KCNK2: variants seen among roughly 807,000 people sequenced by gnomAD.
The protein encoded by KCNK2 is potassium channel subfamily K member 2.
Under a neutral mutation model 40.5 loss-of-function variants are expected in KCNK2, and 21 were observed. The ratio of observed to expected loss-of-function variants is 0.52; its 90% CI spans 0.37 to 0.75. KCNK2 has a LOEUF of 0.75. Ranked by LOEUF, KCNK2 falls within the 30% of genes least tolerant of loss-of-function variation. The pLI is 0.00. For synonymous variants in KCNK2, 191 were observed against 202.2 expected (o/e 0.94, Z 0.47); for missense variants, 399 against 531.6 (o/e 0.75, Z 2.45).
chr1:215,033,322 A>G (rs905276497), intron 1 of KCNK2, among the ~76,000 whole-genome samples: 13 of 151,958 alleles, frequency 8.6e-5, no homozygotes, highest in Admixed American at 7.2e-4. Context: ...TAATTGTTCA[A>G]ATTCCCAATT....
intron 1 of KCNK2, among the ~76,000 whole-genome samples, chr1:215,068,586 T>A (rs1161992907): frequency 6.6e-6 from 1 of 152,122 alleles, no homozygotes; most frequent in Non-Finnish European, 1.5e-5. Context: ...CAAACAAAAA[T>A]ATAATTTATT....
At chr1:215,199,258 G>A (rs1443353326) in intron 6 of KCNK2, among the ~76,000 whole-genome samples, 3 of 151,946 alleles carry the variant, frequency 2.0e-5, no homozygotes, top group African/African-American at 4.8e-5. Flanking sequence ...CCAGTGAGCC[G>A]AGATCATGCC....
At chr1:215,069,673 AT>A (rs1297152999) in intron 1 of KCNK2, among the ~76,000 whole-genome samples, 3 of 152,158 alleles carry the variant, frequency 2.0e-5, no homozygotes, top group Admixed American at 6.5e-5. Flanking sequence ...GGTTTATATA[AT>A]TTTCACCCCT....
intron 1 of KCNK2, among the ~76,000 whole-genome samples, chr1:215,009,998 T>C (rs1558055200): frequency 6.6e-6 from 1 of 152,222 alleles, no homozygotes. Context: ...TATGTGTGTG[T>C]GTCTCAAATT....
chr1:215,127,367 C>T (rs1424560358), intron 3 of KCNK2, among the ~76,000 whole-genome samples: 3 of 152,128 alleles, frequency 2.0e-5, no homozygotes, highest in South Asian at 2.1e-4. Context: ...TTAGAATTCT[C>T]TTCATATATC....
At chr1:215,189,496 T>C (rs1664578699) in intron 5 of KCNK2, among the ~76,000 whole-genome samples, 1 of 152,198 alleles carries the variant, frequency 6.6e-6, no homozygotes, top group Admixed American at 6.5e-5. Flanking sequence ...TTTATGATCA[T>C]GAGACTGCTG....
intron 1 of KCNK2, among the ~76,000 whole-genome samples, chr1:215,007,114 T>C (rs1656182072): frequency 8.3e-6 from 1 of 120,964 alleles, no homozygotes; most frequent in Non-Finnish European, 1.6e-5. Flanking sequence ...TATATGTGTG[T>C]ATATATGTAT....
intron 2 of KCNK2, among the ~76,000 whole-genome samples, chr1:215,110,437 C>G (rs1660633702): frequency 6.6e-6 from 1 of 151,912 alleles, no homozygotes; most frequent in African/African-American, 2.4e-5. Flanking sequence ...GTGTGTATAT[C>G]AAATTTTCTC....
chr1:215,190,224 C>G (rs138517967), intron 5 of KCNK2, among the ~76,000 whole-genome samples: 209 of 152,094 alleles, frequency 1.4e-3, no homozygotes, highest in African/African-American at 4.6e-3. Context: ...GGGCCGATGG[C>G]TGGGAACGCT....
intron 6 of KCNK2, among the ~76,000 whole-genome samples, chr1:215,201,425 G>T (rs1388532287): frequency 6.6e-6 from 1 of 152,140 alleles, no homozygotes; most frequent in Non-Finnish European, 1.5e-5. Flanking sequence ...TCTTAAGATA[G>T]TTCCGGCCAC....
In KCNK2 at chr1:215,165,625, A is replaced by G. The variant is rs570552003; in HGVS notation, c.476-3574A>G. ...ATAATAGAGTAAGCACTTTTCACAT[A>G]GTACTTTATTTGGTACTTAAAACTC... On this transcript the variant is annotated intron_variant, in intron 3 of 6. Transcript: ENST00000444842. Among the ~76,000 whole-genome samples the G allele has an allele frequency of 2.0e-5, 3 of 152,272 alleles. No homozygotes were observed. The South Asian group carries it at 6.2e-4, about 32-fold the overall frequency.
At chr1:215,213,982 C>G (rs1291348019) in intron 6 of KCNK2, among the ~76,000 whole-genome samples, 3 of 152,130 alleles carry the variant, frequency 2.0e-5, no homozygotes, top group Non-Finnish European at 1.5e-5. Flanking sequence ...TAATATGACA[C>G]TGCTAATTGG....
At chr1:215,139,729 A>G (rs1448173089) in intron 3 of KCNK2, among the ~76,000 whole-genome samples, 1 of 152,144 alleles carries the variant, frequency 6.6e-6, no homozygotes, top group Non-Finnish European at 1.5e-5. Context: ...GTTCAAAAAA[A>G]AAGTATATGT....
At chr1:215,104,853 G>GT (rs911703277) in intron 2 of KCNK2, among the ~76,000 whole-genome samples, 4 of 151,536 alleles carry the variant, frequency 2.6e-5, no homozygotes, top group Non-Finnish European at 5.9e-5. Context: ...GGGCTATGGG[G>GT]TTTTTTTTCT....
intron 5 of KCNK2, among the ~76,000 whole-genome samples, chr1:215,193,426 T>A (rs1664745388): frequency 1.6e-5 from 1 of 62,998 alleles, no homozygotes; most frequent in Non-Finnish European, 3.5e-5. Flanking sequence ...AGTTCTCAGT[T>A]TTAATTACTT....
chr1:215,125,893 GA>G (rs981030652), intron 3 of KCNK2, among the ~76,000 whole-genome samples: 5 of 151,244 alleles, frequency 3.3e-5, no homozygotes, highest in African/African-American at 1.2e-4. Context: ...TATTTTTTAA[GA>G]AAGAGAAGGA....
chr1:215,132,452 A>C (rs1436151733), intron 3 of KCNK2, among the ~76,000 whole-genome samples: 1 of 152,186 alleles, frequency 6.6e-6, no homozygotes, highest in Non-Finnish European at 1.5e-5. Flanking sequence ...GAGTCCATTG[A>C]GGTTCTCTCA....
intron 5 of KCNK2, among the ~76,000 whole-genome samples, chr1:215,186,383 G>C (rs765454396): frequency 2.6e-5 from 4 of 152,006 alleles, no homozygotes; most frequent in Non-Finnish European, 4.4e-5. Context: ...AACAGGGCGA[G>C]GCCCCATCTT....
chr1:215,165,240 T>G lies in KCNK2; in HGVS notation c.476-3959T>G, dbSNP rs567369814. 7.2e-5 allele frequency among the ~76,000 whole-genome samples: 11 copies of G among 152,302 alleles called. No homozygotes were observed. The East Asian group carries it at 2.1e-3, about 29-fold the overall frequency. ...GAATAGGTCTGTTTCCTTTTCCATG[T>G]TTTAATCATTCACATAGTTGGAATC... On this transcript the variant is annotated intron_variant, in intron 3 of 6. Coordinates refer to ENST00000444842, the MANE Select transcript of KCNK2 (RefSeq NM_001017425.3).
Sources: gnomAD v4.1 joint callset for allele counts (sites outside exome capture counted in the v4.1 genomes callset) on GRCh38, gnomAD v4.1.1 for gene constraint, MANE v1.5 for transcripts, NCBI Gene and HGNC (gene_info 2026-07-23, HGNC 2026-07-21) for gene names.